The following GPM6A variants were observed in gnomAD, a reference collection of about 807,000 sequenced individuals.
GPM6A encodes the protein neuronal membrane glycoprotein M6-a.
In GPM6A, 7 loss-of-function variants were observed where a neutral mutation model predicts 32.1. The ratio of observed to expected loss-of-function variants is 0.22; its 90% CI spans 0.12 to 0.41. The LOEUF (loss-of-function observed/expected upper bound fraction) is 0.41. GPM6A is among the 10% of genes least tolerant of loss of function. The pLI is 1.00. For synonymous variants in GPM6A, 130 were observed against 123.4 expected, an observed-to-expected ratio of 1.05 and a Z score of -0.35; for missense variants, 235 against 347.2, an observed-to-expected ratio of 0.68 and a Z score of 2.57.
intron 1 of GPM6A, among the ~76,000 whole-genome samples, chr4:175,709,963 T>C (rs996925636): frequency 2.0e-5 from 3 of 151,848 alleles, no homozygotes; most frequent in Non-Finnish European, 2.9e-5. Flanking sequence ...AGGTAGTACA[T>C]GCCATTTCTA....
chr4:175,985,982 T>A (rs1366469816), intron 1 of GPM6A, among the ~76,000 whole-genome samples: 1 of 152,014 alleles, frequency 6.6e-6, no homozygotes, highest in East Asian at 1.9e-4. Flanking sequence ...ATTTTTGTAT[T>A]CTTAGTAGAG....
At chr4:175,964,780 A>G (rs1302352366) in intron 1 of GPM6A, among the ~76,000 whole-genome samples, 1 of 152,220 alleles carries the variant, frequency 6.6e-6, no homozygotes, top group Non-Finnish European at 1.5e-5. Context: ...TGCAGTAGCT[A>G]TATTAGTTTC....
chr4:175,999,086 T>A lies in GPM6A; in HGVS notation c.-23+3223A>T, dbSNP rs143064823. 9.2e-3 allele frequency among the ~76,000 whole-genome samples: 1,398 copies of A among 152,300 alleles called. 14 individuals are homozygous for A. Among genetic ancestry groups the A allele is most frequent in the Non-Finnish European group, 0.013 (869 of 68,016 alleles). On this transcript the variant is annotated intron_variant, in intron 1 of 7. Transcript: ENST00000280187. ...CAAGACAGGTTCAGTACCACTCCCATTAAACTTTTCATAATATCTGTCAAA... is the reference window on the plus strand; with the variant it reads ...CAAGACAGGTTCAGTACCACTCCCAATAAACTTTTCATAATATCTGTCAAA...
At chr4:175,774,683 A>G (rs775914207) in intron 1 of GPM6A, among the ~76,000 whole-genome samples, 1 of 152,108 alleles carries the variant, frequency 6.6e-6, no homozygotes, top group Non-Finnish European at 1.5e-5. Flanking sequence ...TCCTTGTCAC[A>G]ATTGAACAAC....
At chr4:175,904,173 A>G (rs964919259) in intron 1 of GPM6A, among the ~76,000 whole-genome samples, 2 of 152,040 alleles carry the variant, frequency 1.3e-5, no homozygotes, top group African/African-American at 4.8e-5. Flanking sequence ...TTCTTAATAA[A>G]AAAAGTTTAA....
chr4:175,660,110 A>G (rs915564080), intron 3 of GPM6A, among the ~76,000 whole-genome samples: 1 of 152,152 alleles, frequency 6.6e-6, no homozygotes, highest in Non-Finnish European at 1.5e-5. Context: ...ATTAAAAAAA[A>G]GTATATAGGC....
At chr4:175,969,711 A>C (rs6824876) in intron 1 of GPM6A, among the ~76,000 whole-genome samples, 1,850 of 152,236 alleles carry the variant, frequency 0.012, 47 homozygotes, top group African/African-American at 0.041. Flanking sequence ...ACTCTGCTCA[A>C]ATAATAAGAA....
At chr4:175,833,783 C>T (rs1258792633) in intron 1 of GPM6A, among the ~76,000 whole-genome samples, 1 of 151,940 alleles carries the variant, frequency 6.6e-6, no homozygotes, top group Admixed American at 6.6e-5. Context: ...CTGGTGGGAA[C>T]CTCAAATCAG....
chr4:175,689,672 G>A (rs535142120), intron 2 of GPM6A, among the ~76,000 whole-genome samples: 1 of 152,088 alleles, frequency 6.6e-6, no homozygotes, highest in African/African-American at 2.4e-5. Flanking sequence ...TACCTGTCTG[G>A]ATATTCTATC....
intron 1 of GPM6A, among the ~76,000 whole-genome samples, chr4:175,888,177 A>G (rs1579599709): frequency 6.6e-6 from 1 of 152,140 alleles, no homozygotes; most frequent in East Asian, 1.9e-4. Context: ...AGAAAATCTT[A>G]TTTTAATACA....
chr4:175,728,728 C>T (rs766072711), intron 1 of GPM6A, among the ~76,000 whole-genome samples: 1 of 152,178 alleles, frequency 6.6e-6, no homozygotes, highest in Non-Finnish European at 1.5e-5. Flanking sequence ...TGTTGGTGCC[C>T]TCTCCCTGTT....
At chr4:175,759,169 T>G (rs1732644325) in intron 1 of GPM6A, among the ~76,000 whole-genome samples, 1 of 152,170 alleles carries the variant, frequency 6.6e-6, no homozygotes, top group African/African-American at 2.4e-5. Flanking sequence ...TGTTAGTGTC[T>G]GAATACAGTG....
At chr4:175,855,550 C>T (rs1302227877) in intron 1 of GPM6A, among the ~76,000 whole-genome samples, 2 of 152,122 alleles carry the variant, frequency 1.3e-5, no homozygotes, top group Non-Finnish European at 2.9e-5. Context: ...AGGAACTGAA[C>T]ATAAGCACTC....
At chr4:175,802,339 C>A (rs1734504381) in intron 1 of GPM6A, among the ~76,000 whole-genome samples, 2 of 152,052 alleles carry the variant, frequency 1.3e-5, no homozygotes, top group Non-Finnish European at 2.9e-5. Context: ...ACTTAGTACA[C>A]CAAAATTGTA....
At chr4:175,770,345 C>T (rs1256255953) in intron 1 of GPM6A, among the ~76,000 whole-genome samples, 1 of 152,142 alleles carries the variant, frequency 6.6e-6, no homozygotes, top group East Asian at 1.9e-4. Flanking sequence ...ATTCTTTTAA[C>T]AGCTCTGTGG....
At chr4:175,704,344 C>A (rs969776345) in intron 1 of GPM6A, among the ~76,000 whole-genome samples, 3 of 151,778 alleles carry the variant, frequency 2.0e-5, no homozygotes, top group South Asian at 2.1e-4. Flanking sequence ...CACACGTGCA[C>A]GTGTGCACGC....
intron 1 of GPM6A, among the ~76,000 whole-genome samples, chr4:175,981,491 G>A (rs139906987): frequency 2.2e-4 from 34 of 152,152 alleles, no homozygotes; most frequent in African/African-American, 8.2e-4. Context: ...TAAATTGATT[G>A]ATTGCCTTTA....
chr4:175,748,174 A>G (rs1301019985), intron 1 of GPM6A, among the ~76,000 whole-genome samples: 1 of 152,110 alleles, frequency 6.6e-6, no homozygotes, highest in African/African-American at 2.4e-5. Flanking sequence ...GAGGGTTGGA[A>G]TCAACTTCTT....
At chr4:175,927,842 G>A (rs140336557) in intron 1 of GPM6A, among the ~76,000 whole-genome samples, 348 of 152,290 alleles carry the variant, frequency 2.3e-3, no homozygotes, top group Non-Finnish European at 4.2e-3. Flanking sequence ...CTGAGATCAC[G>A]CCTCTGAACT....
Sources: gnomAD v4.1 joint callset for allele counts (sites outside exome capture counted in the v4.1 genomes callset) on GRCh38, gnomAD v4.1.1 for gene constraint, MANE v1.5 for transcripts, NCBI Gene and HGNC (gene_info 2026-07-23, HGNC 2026-07-21) for gene names.